Variants in ATXN7L1 observed in about 807,000 individuals in gnomAD.
ATXN7L1 encodes the protein ataxin-7-like protein 1.
A neutral mutation model predicts 70.8 loss-of-function variants in ATXN7L1; 15 were observed. That is an observed-to-expected ratio of 0.21 (90% CI 0.14 to 0.33). The LOEUF is 0.33. ATXN7L1 is among the 10% of genes least tolerant of loss of function. ATXN7L1 has a pLI of 1.00. For missense variants in ATXN7L1, 975 were observed against 1,097.1 expected (o/e 0.89, Z 1.57); for synonymous variants, 440 against 445.1 (o/e 0.99, Z 0.14).
chr7:105,637,871 G>A (rs1338843156), intron 7 of ATXN7L1, among the ~76,000 whole-genome samples: 1 of 151,978 alleles, frequency 6.6e-6, no homozygotes, highest in African/African-American at 2.4e-5. Flanking sequence ...AACAAATATC[G>A]TGGCAACTGG....
At chr7:105,664,115 T>C (rs1242059593) in intron 4 of ATXN7L1, among the ~76,000 whole-genome samples, 1 of 152,136 alleles carries the variant, frequency 6.6e-6, no homozygotes, top group Non-Finnish European at 1.5e-5. Flanking sequence ...AGGGGTGACC[T>C]TCTACTTGGC....
intron 3 of ATXN7L1, among the ~76,000 whole-genome samples, chr7:105,697,811 C>T (rs1331958819): frequency 2.0e-5 from 3 of 152,200 alleles, no homozygotes; most frequent in Non-Finnish European, 2.9e-5. Flanking sequence ...TCACAATCCA[C>T]GTTCTTCTGT....
intron 3 of ATXN7L1, among the ~76,000 whole-genome samples, chr7:105,704,831 A>G (rs943963344): frequency 1.3e-4 from 19 of 151,164 alleles, no homozygotes; most frequent in Admixed American, 1.1e-3. Context: ...GGCTGGTCTC[A>G]AACTCCTAAC....
intron 2 of ATXN7L1, among the ~76,000 whole-genome samples, chr7:105,792,569 CCTCT>C (rs375585742): frequency 6.6e-6 from 1 of 152,156 alleles, no homozygotes; most frequent in Non-Finnish European, 1.5e-5. Context: ...TCTTTCCTTC[CCTCT>C]CTCTCTAATT....
rs751942706 is a variant in ATXN7L1 at position 105,638,479 on chromosome 7, C to T, written c.1076G>A (p.Arg359Lys). 22 of 1,552,346 alleles carry T rather than the reference C, an allele frequency of 1.4e-5. No individual in the cohort carries two copies. The South Asian group carries it at 2.6e-4, about 18-fold the overall frequency. Residue 359 changes from arginine to lysine, a missense_variant, in exon 7 of 12, where the codon AGG becomes AAG. This residue lies in a region of ATXN7L1 where 635 missense variants were observed against 699.4 expected (regional missense o/e 0.91). Transcript: ENST00000419735. The stretch of plus-strand genomic sequence containing the variant: ...CCCGGATTGGCTTGGAAGTATTTCC[C>T]TCGTGGAAGTCAGGAGATGCTCTTT... ...KDKEHLLTST[R>K]EILPSQSGPA...
At chr7:105,772,033 T>C (rs985183858) in intron 3 of ATXN7L1, among the ~76,000 whole-genome samples, 6 of 146,702 alleles carry the variant, frequency 4.1e-5, no homozygotes, top group Non-Finnish European at 9.0e-5. Context: ...TGGATAAAAC[T>C]CACCTATTAA....
chr7:105,864,588 C>T (rs1817127136), intron 2 of ATXN7L1, among the ~76,000 whole-genome samples: 1 of 151,538 alleles, frequency 6.6e-6, no homozygotes, highest in African/African-American at 2.4e-5. Context: ...GCAGGGTCTC[C>T]AGAATGAACA....
intron 3 of ATXN7L1, among the ~76,000 whole-genome samples, chr7:105,785,549 C>T (rs1804173790): frequency 6.6e-6 from 1 of 151,782 alleles, no homozygotes; most frequent in Non-Finnish European, 1.5e-5. Context: ...CACTGGCATT[C>T]TTATTAACTT....
intron 2 of ATXN7L1, among the ~76,000 whole-genome samples, chr7:105,836,246 C>T (rs999324151): frequency 4.6e-5 from 7 of 152,170 alleles, no homozygotes; most frequent in African/African-American, 1.2e-4. Flanking sequence ...CTGCACAGAA[C>T]ATGGAGGTTT....
intron 4 of ATXN7L1, among the ~76,000 whole-genome samples, chr7:105,645,971 T>A (rs924938920): frequency 1.3e-5 from 2 of 150,302 alleles, no homozygotes; most frequent in Admixed American, 1.3e-4. Context: ...CATGCCACTG[T>A]ACTCCCACCC....
chr7:105,768,443 C>A (rs934526516), intron 3 of ATXN7L1, among the ~76,000 whole-genome samples: 1 of 152,062 alleles, frequency 6.6e-6, no homozygotes, highest in African/African-American at 2.4e-5. Context: ...GAATGAGAGA[C>A]GTTAACAGGA....
intron 2 of ATXN7L1, among the ~76,000 whole-genome samples, chr7:105,873,179 AACAAAACAAC>A (rs1219532808): frequency 6.6e-6 from 1 of 151,770 alleles, no homozygotes; most frequent in African/African-American, 2.4e-5. Flanking sequence ...AACAAAACAA[AACAAAACAAC>A]AACAACAACA....
At chr7:105,860,142 T>TAC (rs1816379457) in intron 2 of ATXN7L1, among the ~76,000 whole-genome samples, 1 of 65,590 alleles carries the variant, frequency 1.5e-5, no homozygotes, top group Non-Finnish European at 3.5e-5. Flanking sequence ...TATATATATA[T>TAC]ATATACATAT....
intron 3 of ATXN7L1, among the ~76,000 whole-genome samples, chr7:105,778,529 A>ACAAAAAAC (rs71155478): frequency 7.0e-6 from 1 of 141,914 alleles, no homozygotes; most frequent in African/African-American, 2.6e-5. Context: ...AAAAAAAAAA[A>ACAAAAAAC]AAAAAACAAA....
At chr7:105,790,955 G>A (rs560009736) in intron 2 of ATXN7L1, among the ~76,000 whole-genome samples, 3 of 152,120 alleles carry the variant, frequency 2.0e-5, no homozygotes, top group Admixed American at 6.5e-5. Context: ...CCTCAAACAC[G>A]ATGGTTCCCC....
intron 10 of ATXN7L1, among the ~76,000 whole-genome samples, chr7:105,613,123 G>A (rs1033859210): frequency 1.1e-4 from 17 of 152,208 alleles, no homozygotes; most frequent in African/African-American, 4.1e-4. Flanking sequence ...CCCCCCAGCC[G>A]GAGGAGAAGG....
chr7:105,765,326 A>C (rs1338945762), intron 3 of ATXN7L1, among the ~76,000 whole-genome samples: 1 of 151,670 alleles, frequency 6.6e-6, no homozygotes, highest in Non-Finnish European at 1.5e-5. Context: ...AAAAAAAAAA[A>C]AAACCCTCTA....
chr7:105,822,329 G>T (rs945678084), intron 2 of ATXN7L1, among the ~76,000 whole-genome samples: 1 of 152,232 alleles, frequency 6.6e-6, no homozygotes, highest in Non-Finnish European at 1.5e-5. Flanking sequence ...GAGCTGTAGG[G>T]AGAAAGGTGC....
At chr7:105,653,138 G>C (rs1460003508) in intron 4 of ATXN7L1, among the ~76,000 whole-genome samples, 1 of 152,068 alleles carries the variant, frequency 6.6e-6, no homozygotes, top group Non-Finnish European at 1.5e-5. Flanking sequence ...AAATTAAATA[G>C]ACTTTTTCTT....
Sources: gnomAD v4.1 joint callset for allele counts (sites outside exome capture counted in the v4.1 genomes callset) on GRCh38, gnomAD v4.1.1 for gene constraint, gnomAD v4.1.1 regional missense constraint, MANE v1.5 for transcripts, NCBI Gene and HGNC (gene_info 2026-07-23, HGNC 2026-07-21) for gene names.